The following MIB1 variants were observed in gnomAD, a reference collection of about 807,000 sequenced individuals.
MIB1 encodes E3 ubiquitin-protein ligase MIB1.
A neutral mutation model predicts 124.5 loss-of-function variants in MIB1; 278 were observed. That is an observed-to-expected ratio of 2.23 (90% CI 2.02 to 2.47). MIB1 has a LOEUF of 2.47. Ranked by LOEUF, MIB1 falls within the 30% of genes most tolerant of loss-of-function variation. The probability of loss-of-function intolerance (pLI) is 0.00; values close to 1 mark genes in which losing one functional copy is unlikely to be tolerated. For synonymous variants in MIB1, 446 were observed against 429.4 expected (o/e 1.04, Z -0.48); for missense variants, 957 against 1,254.4 (o/e 0.76, Z 3.58).
chr18:21,736,614 C>T (rs934408663), upstream of MIB1, among the ~76,000 whole-genome samples: 3 of 152,008 alleles, frequency 2.0e-5, no homozygotes, highest in Non-Finnish European at 4.4e-5. Flanking sequence ...AGCTAGGAAA[C>T]TTGAAAAAAG....
chr18:21,870,911 A>G lies in MIB1; in HGVS notation c.*6245A>G, dbSNP rs930648467. ...AAATTTCATGGCAATATTTTTTACTAAATTGAAACTATAGGTTTTAAAAAT... is the reference window on the plus strand; with the variant it reads ...AAATTTCATGGCAATATTTTTTACTGAATTGAAACTATAGGTTTTAAAAAT... On this transcript the variant is annotated 3_prime_UTR_variant, in exon 21 of 21. Transcript: ENST00000261537. 2 of 152,210 alleles carry G rather than the reference A, an allele frequency of 1.3e-5. No individual in the cohort carries two copies. Among genetic ancestry groups the G allele is most frequent in the African/African-American group, 4.8e-5 (2 of 41,456 alleles). The allele number at this position is 152,210 out of a possible 1,614,324, so 9.4% of individuals were successfully genotyped here. A position where few individuals can be genotyped will look rare whatever the true frequency, so the allele number is the denominator to read the frequency against.
At chr18:21,856,240 A>AAAAAAAAAAC (rs5823316) in intron 18 of MIB1, among the ~76,000 whole-genome samples, 4 of 135,434 alleles carry the variant, frequency 3.0e-5, no homozygotes, top group African/African-American at 5.5e-5. Flanking sequence ...CCGTCTCAAA[A>AAAAAAAAAAC]AAAAAACAAA....
chr18:21,779,765 A>G (rs933159214), intron 6 of MIB1, 80 bp downstream of exon 6: 26 of 1,047,312 alleles, frequency 2.5e-5, no homozygotes, highest in Non-Finnish European at 3.6e-5. Context: ...AAATAAAGTG[A>G]TACAACCAAA....
At chr18:21,828,938 G>GTCA (rs1568217938) in intron 12 of MIB1, 3 of 452,562 alleles carry the variant, frequency 6.6e-6, no homozygotes, top group African/African-American at 2.1e-5. Flanking sequence ...CCATATGACG[G>GTCA]TCATTCACGT....
At chr18:21,840,651 ATATATATATATATATTTTTTT>A (rs2042077320) in intron 13 of MIB1, among the ~76,000 whole-genome samples, 1 of 84,600 alleles carries the variant, frequency 1.2e-5, no homozygotes. Context: ...ATATATATAT[ATATATATATATATATTTTTTT>A]TTTTTTTTAA....
In MIB1 at chr18:21,869,173, A is replaced by G. The variant is rs1053882648; in HGVS notation, c.*4507A>G. On this transcript the variant is annotated 3_prime_UTR_variant, in exon 21 of 21. Coordinates refer to ENST00000261537, the MANE Select transcript of MIB1 (RefSeq NM_020774.4). ...CTACAAGTTGTGATCGACATGTACAAAATGTCTAAGAAAGGTCATATGCTG... is the reference window on the plus strand; with the variant it reads ...CTACAAGTTGTGATCGACATGTACAGAATGTCTAAGAAAGGTCATATGCTG... 4 of 152,492 alleles carry G rather than the reference A, an allele frequency of 2.6e-5. No individual in the cohort carries two copies. Among genetic ancestry groups the G allele is most frequent in the African/African-American group, 9.6e-5 (4 of 41,462 alleles). 9.4% of individuals were successfully genotyped at this position (152,492 alleles called of 1,614,324 possible).
intron 6 of MIB1, among the ~76,000 whole-genome samples, chr18:21,781,996 C>T (rs1272428559): frequency 6.6e-6 from 1 of 152,080 alleles, no homozygotes; most frequent in African/African-American, 2.4e-5. Context: ...TTTATTGTCT[C>T]AATTTCATTT....
rs1464625639 is a variant in MIB1 at position 21,740,842 on chromosome 18, C to A, written c.-742C>A. Among the ~76,000 whole-genome samples the A allele has an allele frequency of 6.6e-6, 1 of 152,270 alleles. No individual in the cohort carries two copies. On this transcript the variant is annotated 5_prime_UTR_variant, in exon 1 of 21. Transcript: ENST00000261537. ...GATCAGTTTTCTCCTCCTTTCTTCC[C>A]GCGATCGCGCGGCTCTCTGGAAGCC...
chr18:21,769,592 A>G (rs922815308), intron 3 of MIB1, among the ~76,000 whole-genome samples: 2 of 152,176 alleles, frequency 1.3e-5, no homozygotes, highest in African/African-American at 2.4e-5. Flanking sequence ...TCTGTATCCC[A>G]TTAGATATCT....
chr18:21,774,814 T>G (rs2041262381), intron 4 of MIB1, among the ~76,000 whole-genome samples: 1 of 151,280 alleles, frequency 6.6e-6, no homozygotes, highest in Non-Finnish European at 1.5e-5. Flanking sequence ...TTTTTTATAT[T>G]TATTTATTTA....
rs180704721 is a variant in MIB1, at chr18:21,727,266, C to T, written n.167+22143C>T. Among the ~76,000 whole-genome samples the T allele has an allele frequency of 1.1e-3, 170 of 152,160 alleles. 1 individual carries two copies. The highest frequency in any genetic ancestry group is 3.4e-3 in the Middle Eastern group (1 of 294). ...CTGCGATTAAAGGGACTGACCACCA[C>T]GGGATTATAGGCATGCACCACCACA... On this transcript the variant is annotated intron_variant and non_coding_transcript_variant, in intron 1 of 20. Coordinates refer to the MIB1 transcript ENST00000578646.
At chr18:21,831,722 A>T (rs1018652800) in intron 12 of MIB1, among the ~76,000 whole-genome samples, 29 of 151,706 alleles carry the variant, frequency 1.9e-4, no homozygotes, top group African/African-American at 7.0e-4. Context: ...CATTTCCCAG[A>T]TTTTCACTGA....
chr18:21,793,720 A>G (rs1414791268), intron 7 of MIB1, among the ~76,000 whole-genome samples: 3 of 137,900 alleles, frequency 2.2e-5, no homozygotes, highest in Non-Finnish European at 3.0e-5. Flanking sequence ...GGTTGAGGCT[A>G]CAGTGAGCAG....
At chr18:21,772,027 A>T (rs954100769) in intron 3 of MIB1, among the ~76,000 whole-genome samples, 2 of 152,170 alleles carry the variant, frequency 1.3e-5, no homozygotes, top group African/African-American at 4.8e-5. Flanking sequence ...TATAATGTGT[A>T]ATGTATTTCA....
intron 9 of MIB1, among the ~76,000 whole-genome samples, chr18:21,802,571 C>T (rs1028255442): frequency 1.3e-5 from 2 of 152,120 alleles, no homozygotes; most frequent in African/African-American, 4.8e-5. Flanking sequence ...CCTTACTGAA[C>T]ATACTAATGA....
chr18:21,852,785 T>C (rs2042191482), intron 17 of MIB1, among the ~76,000 whole-genome samples: 2 of 152,360 alleles, frequency 1.3e-5, no homozygotes, highest in South Asian at 4.1e-4. Flanking sequence ...CTTATTTTAC[T>C]ACTTTATTTG....
At chr18:21,824,370 A>T (rs1238750337) in intron 12 of MIB1, among the ~76,000 whole-genome samples, 1 of 152,136 alleles carries the variant, frequency 6.6e-6, no homozygotes, top group Non-Finnish European at 1.5e-5. Context: ...TAAATTCTGA[A>T]ATATGGTCTG....
chr18:21,724,726 AAATATATATATATATATAT>A (rs1213715964), intron 1 of MIB1, among the ~76,000 whole-genome samples: 15 of 52,828 alleles, frequency 2.8e-4, no homozygotes, highest in African/African-American at 9.8e-4. Flanking sequence ...AAAAAAAAAA[AAATATATATATATATATAT>A]ATATATATAT....
chr18:21,808,743 G>C (rs1293180799), intron 10 of MIB1, among the ~76,000 whole-genome samples: 1 of 152,134 alleles, frequency 6.6e-6, no homozygotes, highest in African/African-American at 2.4e-5. Flanking sequence ...TCTTAGGTAT[G>C]TTGATATAGG....
Sources: gnomAD v4.1 joint callset for allele counts (sites outside exome capture counted in the v4.1 genomes callset) on GRCh38, gnomAD v4.1.1 for gene constraint, MANE v1.5 for transcripts, NCBI Gene and HGNC (gene_info 2026-07-23, HGNC 2026-07-21) for gene names.